The following RPP14 variants were observed in gnomAD, a reference collection of about 807,000 sequenced individuals.
RPP14 encodes ribonuclease P protein subunit p14.
RPP14 carries 19 observed loss-of-function variants against 17.8 expected under a neutral mutation model. The observed-to-expected ratio is 1.07, with a 90% confidence interval of 0.74 to 1.57. The LOEUF (loss-of-function observed/expected upper bound fraction) is 1.57. Ranked by LOEUF, RPP14 falls within the 40% of genes most tolerant of loss-of-function variation. The pLI is 0.00. For synonymous variants in RPP14, 60 were observed against 56.4 expected, an observed-to-expected ratio of 1.06 and a Z score of -0.29; for missense variants, 125 against 140.8, an observed-to-expected ratio of 0.89 and a Z score of 0.57.
At chr3:58,314,824 A>G (rs989853610) in intron 3 of RPP14, among the ~76,000 whole-genome samples, 1 of 152,008 alleles carries the variant, frequency 6.6e-6, no homozygotes, top group African/African-American at 2.4e-5. Context: ...AGCTAGGACT[A>G]CAGGCACACA....
At position 58,310,531 on chromosome 3, in the gene RPP14, A is replaced by T; in HGVS notation, c.102A>T (p.Gly34=). Residue 34 remains glycine, a synonymous_variant, in exon 3 of 6, where the codon GGA becomes GGT. Transcript: ENST00000295959. ...VCLEFQDCGV[G]LNAAQFKQLL... ...GAGAATTTCAAGATTGTGGAGTTGG[A>T]CTGAATGCTGCACAGTTCAAACAGC... 1 of 1,611,420 alleles carries T rather than the reference A, an allele frequency of 6.2e-7. No individual in the cohort carries two copies. Among genetic ancestry groups the T allele is most frequent in the Non-Finnish European group, 8.5e-7 (1 of 1,179,388 alleles).
intron 1 of RPP14, among the ~76,000 whole-genome samples, chr3:58,309,241 C>G (rs765214530): frequency 7.9e-5 from 12 of 152,142 alleles, no homozygotes; most frequent in Admixed American, 2.0e-4. Context: ...TTTTCTTTTT[C>G]TTTGGATAAA....
intron 3 of RPP14, among the ~76,000 whole-genome samples, chr3:58,313,339 CA>C (rs1344153632): frequency 6.6e-6 from 1 of 152,128 alleles, no homozygotes; most frequent in South Asian, 2.1e-4. Flanking sequence ...TATTCTGATT[CA>C]ACTCATTATT....
At position 58,319,694 on chromosome 3, in the gene RPP14, CTT is replaced by C. The variant is rs1266982075; in HGVS notation, c.*2200_*2201del. ...GATTATGGAGGCCAAATTCTTAAGA[CTT>C]TGGGGGCTGGGGTCAGGGAGGTTAT... On this transcript the variant is annotated 3_prime_UTR_variant, in exon 6 of 6. Coordinates refer to ENST00000295959, the MANE Select transcript of RPP14 (RefSeq NM_007042.6). 1 of 151,622 alleles carries C rather than the reference CTT, an allele frequency of 6.6e-6. No individual in the cohort carries two copies. The highest frequency in any genetic ancestry group is 1.5e-5 in the Non-Finnish European group (1 of 67,938). The allele number at this position is 151,622 out of a possible 1,614,324, so 9.4% of individuals were successfully genotyped here. A position where few individuals can be genotyped will look rare whatever the true frequency, so the allele number is the denominator to read the frequency against.
At chr3:58,311,849 G>A (rs1050705633) in intron 3 of RPP14, among the ~76,000 whole-genome samples, 2 of 151,912 alleles carry the variant, frequency 1.3e-5, no homozygotes, top group Non-Finnish European at 2.9e-5. Flanking sequence ...TGGATTAAAT[G>A]GTATTCTATT....
intron 4 of RPP14, 29 bp downstream of exon 4, chr3:58,316,620 A>G: frequency 6.3e-7 from 1 of 1,581,662 alleles, no homozygotes; most frequent in Non-Finnish European, 8.7e-7. Flanking sequence ...AATTTCTAGT[A>G]TAACAGGGCA....
intron 3 of RPP14, among the ~76,000 whole-genome samples, chr3:58,313,818 A>C (rs1171406376): frequency 2.0e-5 from 3 of 152,216 alleles, no homozygotes; most frequent in Non-Finnish European, 4.4e-5. Context: ...GAAAGGATGA[A>C]AAGATGAATT....
Position 58,319,881 on chromosome 3 carries a change from GT to G in RPP14, c.*2389del. On this transcript the variant is annotated 3_prime_UTR_variant, in exon 6 of 6. Coordinates refer to ENST00000295959, the MANE Select transcript of RPP14 (RefSeq NM_007042.6). ...CCTTTTAAAAGTGTACAGTTTAGTG[GT>G]TTTCAGAATATCCACAAAGTTGTAC... 6.6e-6 allele frequency: 1 copy of G among 152,126 alleles called. No homozygotes were observed. The highest frequency in any genetic ancestry group is 2.1e-4 in the South Asian group (1 of 4,820). The allele number at this position is 152,126 out of a possible 1,614,324, so 9.4% of individuals were successfully genotyped here. A position where few individuals can be genotyped will look rare whatever the true frequency, so the allele number is the denominator to read the frequency against.
chr3:58,317,785 G>A lies in RPP14; in HGVS notation c.*289G>A. ...ACAGACTGATGTGGCTACCTTCTCAGAATTAACAGGGGATGTCAATCCTTT... is the reference window on the plus strand; with the variant it reads ...ACAGACTGATGTGGCTACCTTCTCAAAATTAACAGGGGATGTCAATCCTTT... On this transcript the variant is annotated 3_prime_UTR_variant, in exon 6 of 6. Coordinates refer to ENST00000295959, the MANE Select transcript of RPP14 (RefSeq NM_007042.6). 3 of 703,098 alleles carry A rather than the reference G, an allele frequency of 4.3e-6. No individual in the cohort carries two copies. The highest frequency in any genetic ancestry group is 7.8e-6 in the Non-Finnish European group (3 of 385,012). 43.6% of individuals were successfully genotyped at this position (703,098 alleles called of 1,614,324 possible). A position where few individuals can be genotyped will look rare whatever the true frequency, so the allele number is the denominator to read the frequency against.
intron 1 of RPP14, among the ~76,000 whole-genome samples, chr3:58,309,748 C>T (rs930199249): frequency 3.2e-4 from 48 of 151,900 alleles, no homozygotes; most frequent in Admixed American, 2.8e-3. Flanking sequence ...AAAAGGTAGC[C>T]GGGCGTGGTA....
rs2097490690 is a variant in RPP14 at position 58,318,442 on chromosome 3, G to A, written c.*946G>A. On this transcript the variant is annotated 3_prime_UTR_variant, in exon 6 of 6. Coordinates refer to ENST00000295959, the MANE Select transcript of RPP14 (RefSeq NM_007042.6). Reference sequence around the variant, plus strand: ...GGAGGCTGCGGCAGGCGGATCACTTGAGGTCAGGAGTCCAAGACCAGCCTG... The same window carrying A: ...GGAGGCTGCGGCAGGCGGATCACTTAAGGTCAGGAGTCCAAGACCAGCCTG... The A allele has an allele frequency of 5.8e-6, 1 of 172,298 alleles. No homozygotes were observed. The highest frequency in any genetic ancestry group is 1.6e-4 in the East Asian group (1 of 6,344). 10.7% of individuals were successfully genotyped at this position (172,298 alleles called of 1,614,324 possible).
At chr3:58,314,282 C>T (rs558147280) in intron 3 of RPP14, among the ~76,000 whole-genome samples, 37 of 152,136 alleles carry the variant, frequency 2.4e-4, no homozygotes, top group Non-Finnish European at 4.7e-4. Flanking sequence ...ACCTGGGAGG[C>T]GGAGGTTGCA....
rs1261731293 is a variant in RPP14, at chr3:58,317,649, G to A, written c.*153G>A. ...TAATTTCCAGCCATCACCTTTGGTG[G>A]GGTGGGCTTCGGAGGACAGTCTGTC... On this transcript the variant is annotated 3_prime_UTR_variant, in exon 6 of 6. Transcript: ENST00000295959. 1 of 718,336 alleles carries A rather than the reference G, an allele frequency of 1.4e-6. No individual in the cohort carries two copies. Among genetic ancestry groups the A allele is most frequent in the African/African-American group, 1.7e-5 (1 of 57,518 alleles). 44.5% of individuals were successfully genotyped at this position (718,336 alleles called of 1,614,324 possible). A position where few individuals can be genotyped will look rare whatever the true frequency, so the allele number is the denominator to read the frequency against.
intron 3 of RPP14, among the ~76,000 whole-genome samples, chr3:58,313,245 C>A (rs1278288344): frequency 4.6e-5 from 7 of 151,968 alleles, no homozygotes; most frequent in Admixed American, 4.6e-4. Context: ...GGCGACAGAG[C>A]GAGACTCGGT....
chr3:58,313,115 C>T (rs533025957), intron 3 of RPP14, among the ~76,000 whole-genome samples: 11 of 151,262 alleles, frequency 7.3e-5, no homozygotes, highest in Admixed American at 2.6e-4. Flanking sequence ...CACAAAAAGC[C>T]GGGCGCAGCG....
chr3:58,314,608 T>C lies in RPP14; in HGVS notation c.163-1907T>C, dbSNP rs149426029. 6.1e-3 allele frequency among the ~76,000 whole-genome samples: 915 copies of C among 149,650 alleles called. 1 individual carries two copies. The highest frequency in any genetic ancestry group is 0.011 in the Non-Finnish European group (716 of 67,644). On this transcript the variant is annotated intron_variant, in intron 3 of 5. Coordinates refer to ENST00000295959, the MANE Select transcript of RPP14 (RefSeq NM_007042.6). Reference sequence around the variant, plus strand: ...AGTGCTAGCAAGAATGCAAAGAAACTAGATCACTCATACACTACAGTGAGT... The same window carrying C: ...AGTGCTAGCAAGAATGCAAAGAAACCAGATCACTCATACACTACAGTGAGT...
Position 58,310,606 on chromosome 3 carries a change from G to A in RPP14, c.162+15G>A. ...TGTTTGGGGAGGTATGGAATCACTT[G>A]GTAGATTGAACATTCCAAAGATCTT... On this transcript the variant is annotated intron_variant, in intron 3 of 5. Transcript: ENST00000295959. 6.3e-7 allele frequency: 1 copy of A among 1,596,004 alleles called. No individual in the cohort carries two copies. The highest frequency in any genetic ancestry group is 8.5e-7 in the Non-Finnish European group (1 of 1,171,094).
At position 58,318,169 on chromosome 3, in the gene RPP14, G is replaced by C; in HGVS notation, c.*673G>C. The C allele has an allele frequency of 1.6e-6, 1 of 609,808 alleles. No individual in the cohort carries two copies. The highest frequency in any genetic ancestry group is 2.0e-5 in the South Asian group (1 of 50,016). 37.8% of individuals were successfully genotyped at this position (609,808 alleles called of 1,614,324 possible). A position where few individuals can be genotyped will look rare whatever the true frequency, so the allele number is the denominator to read the frequency against. On this transcript the variant is annotated 3_prime_UTR_variant, in exon 6 of 6. Transcript: ENST00000295959. ...CTCAAACACCAATGCTGTTGTTAAAGAGCCTATGGGGAATTGCTGCTCTTT... is the reference window on the plus strand; with the variant it reads ...CTCAAACACCAATGCTGTTGTTAAACAGCCTATGGGGAATTGCTGCTCTTT...
chr3:58,316,887 A>C, intron 4 of RPP14, 28 bp from the exon 5 acceptor site: 2 of 1,565,950 alleles, frequency 1.3e-6, no homozygotes, highest in Middle Eastern at 3.4e-4. Flanking sequence ...TCTATGACAC[A>C]CTATGTATTT....
Sources: allele counts gnomAD v4.1 joint callset (sites outside exome capture counted in the v4.1 genomes callset), GRCh38; gene constraint gnomAD v4.1.1; transcripts MANE v1.5; gene names NCBI Gene and HGNC (gene_info 2026-07-23, HGNC 2026-07-21).